ZSCAN32: variants seen among roughly 807,000 people sequenced by gnomAD.
ZSCAN32 encodes zinc finger and SCAN domain containing 32.
Under a neutral mutation model 47.4 loss-of-function variants are expected in ZSCAN32, and 52 were observed. That is an observed-to-expected ratio of 1.10 (90% CI 0.88 to 1.38). The LOEUF (loss-of-function observed/expected upper bound fraction) is 1.38, where lower values mean the gene tolerates loss of function less well. Ranked by LOEUF, ZSCAN32 falls within the 40% of genes most tolerant of loss-of-function variation. The pLI is 0.00. For synonymous variants in ZSCAN32, 346 were observed against 305.7 expected (o/e 1.13, Z -1.38); for missense variants, 959 against 846.0 (o/e 1.13, Z -1.66).
At chr16:3,399,093 C>T (rs541918655) in intron 1 of ZSCAN32, among the ~76,000 whole-genome samples, 4 of 152,172 alleles carry the variant, frequency 2.6e-5, no homozygotes, top group African/African-American at 7.2e-5. Flanking sequence ...CATGGTGGCA[C>T]GCACCTGTAG....
At chr16:3,392,375 ATTTT>A (rs34506287) in intron 3 of ZSCAN32, among the ~76,000 whole-genome samples, 3 of 129,380 alleles carry the variant, frequency 2.3e-5, no homozygotes, top group Non-Finnish European at 1.7e-5. Flanking sequence ...AATTAAAACA[ATTTT>A]TTTTTTTTTT....
rs763251937 is a variant in ZSCAN32 at position 3,384,663 on chromosome 16, A to G, written c.1030T>C (p.Ser344Pro). ...GCATCGCTTGCCATAGGAGGTGCAG[A>G]GGCCCAGGAGCCTGAAAGAGCATTC... The part of the protein sequence containing the change: ...EMNALSGSWA[S>P]APPMASDAVP... Residue 344 changes from serine (S) to proline (P), a missense_variant, in exon 6 of 7, where the codon TCT (serine) becomes CCT (proline). Physicochemically the swap from Ser to Pro is moderately conservative, Grantham distance 74. Transcript: ENST00000396852. The G allele has an allele frequency of 3.1e-6, 5 of 1,614,212 alleles. No homozygotes were observed. The highest frequency in any genetic ancestry group is 4.5e-5 in the East Asian group (2 of 44,880).
intron 5 of ZSCAN32, among the ~76,000 whole-genome samples, chr16:3,388,029 A>G (rs994660643): frequency 1.3e-5 from 2 of 152,244 alleles, no homozygotes; most frequent in African/African-American, 4.8e-5. Flanking sequence ...TCATGATCCC[A>G]TATTAGTACT....
intron 6 of ZSCAN32, chr16:3,384,164 A>G: frequency 1.3e-5 from 7 of 535,120 alleles, no homozygotes; most frequent in East Asian, 3.1e-5. Flanking sequence ...CTAGAGAAAA[A>G]GGGAGAAGAT....
Position 3,397,525 on chromosome 16 carries a change from G to A in ZSCAN32, c.33C>T (p.His11=), listed in dbSNP as rs1456789937. 1 of 1,549,314 alleles carries A rather than the reference G, an allele frequency of 6.5e-7. No individual in the cohort carries two copies. The highest frequency in any genetic ancestry group is 2.0e-5 in the Admixed American group (1 of 50,954). The change falls in exon 2 of 7, where the codon CAC becomes CAT. Residue 11 remains histidine, a synonymous_variant. Transcript: ENST00000396852. MMAAVKSTEA[H]PSSNKDPTQG... is the part of the protein sequence containing the mutation. ...GTGTGGGATCCTTGTTTGAGGATGG[G>A]TGTGCCTCGGTACTCTTCACTGCAG...
chr16:3,390,080 C>T lies in ZSCAN32; in HGVS notation c.681G>A (p.Met227Ile), dbSNP rs910840789. 1 of 1,614,028 alleles carries T rather than the reference C, an allele frequency of 6.2e-7. No homozygotes were observed. The highest frequency in any genetic ancestry group is 1.1e-5 in the South Asian group (1 of 91,024). The change falls in exon 5 of 7, where the codon ATG becomes ATA. Residue 227 changes from methionine to isoleucine, a missense_variant. Physicochemically the swap from Met to Ile is conservative, Grantham distance 10 (BLOSUM62 1). Transcript: ENST00000396852. ...RAVSLCQQEW[M>I]CPGPAQRALY... ...GGGCCCTTTGTGCAGGGCCTGGGCA[C>T]ATCCATTCTTGCTGACAGAGGGATA... is the stretch of plus-strand genomic sequence containing the variant.
chr16:3,393,565 T>C, intron 3 of ZSCAN32, 84 bp downstream of exon 3: 1 of 1,344,672 alleles, frequency 7.4e-7, no homozygotes, highest in South Asian at 1.7e-5. Flanking sequence ...TCTGGAACCC[T>C]TGGGTGGACT....
chr16:3,397,227 G>C lies in ZSCAN32; in HGVS notation c.331C>G (p.Leu111Val). Residue 111 changes from leucine (L) to valine (V), a missense_variant, in exon 2 of 7, where the codon CTG becomes GTG. Physicochemically the swap from Leu to Val is conservative, Grantham distance 32 (BLOSUM62 1). Coordinates refer to ENST00000396852, the MANE Select transcript of ZSCAN32 (RefSeq NM_001284527.2). ...GGAGCTCTCTGTACATCCTCAACCA[G>C]AGCCACAGCTTCCTCGCCGTTTTCT... ...HPENGEEAVALVEDVQRAPGQ... is the reference protein window; with the variant it reads ...HPENGEEAVAVVEDVQRAPGQ... The C allele has an allele frequency of 6.4e-7, 1 of 1,556,604 alleles. No individual in the cohort carries two copies. Among genetic ancestry groups the C allele is most frequent in the Non-Finnish European group, 8.7e-7 (1 of 1,150,362 alleles).
intron 3 of ZSCAN32, 131 bp from the exon 4 acceptor site, chr16:3,390,648 G>A: frequency 1.4e-6 from 1 of 700,746 alleles, no homozygotes; most frequent in Non-Finnish European, 2.3e-6. Flanking sequence ...CAAATTCTGG[G>A]GCCCCACCTC....
chr16:3,388,988 T>A (rs1411696491), intron 5 of ZSCAN32, among the ~76,000 whole-genome samples: 1 of 152,250 alleles, frequency 6.6e-6, no homozygotes. Flanking sequence ...CAGTGGTTAA[T>A]TTTATGTCAT....
chr16:3,387,046 A>C (rs2032095377), intron 5 of ZSCAN32, among the ~76,000 whole-genome samples: 1 of 152,182 alleles, frequency 6.6e-6, no homozygotes, highest in South Asian at 2.1e-4. Context: ...CTAAAACATG[A>C]AAACTTTTAG....
chr16:3,390,486 C>T lies in ZSCAN32; in HGVS notation c.564G>A (p.Leu188=). 6.5e-7 allele frequency: 1 copy of T among 1,549,362 alleles called. No individual in the cohort carries two copies. The highest frequency in any genetic ancestry group is 1.4e-5 in the African/African-American group (1 of 73,100). Residue 188 remains leucine (L), a synonymous_variant, in exon 4 of 7, where the codon CTG becomes CTA. Transcript: ENST00000396852. Reference sequence around the variant, plus strand: ...GGTCGTGGAGACCTGTGTTTTGAGGCAGGTTCCTGGGAGCCTGAGGAGCAA... The same window carrying T: ...GGTCGTGGAGACCTGTGTTTTGAGGTAGGTTCCTGGGAGCCTGAGGAGCAA... ...AWLAPQAPRN[L]PQNTGLHDQE...
intron 2 of ZSCAN32, 30 bp from the exon 3 acceptor site, chr16:3,393,844 C>G (rs2033106906): frequency 6.6e-7 from 1 of 1,505,152 alleles, no homozygotes; most frequent in South Asian, 1.3e-5. Flanking sequence ...TCTATCACTA[C>G]AAATTCCTGC....
intron 3 of ZSCAN32, among the ~76,000 whole-genome samples, chr16:3,393,064 A>G (rs1057018600): frequency 1.4e-5 from 2 of 143,986 alleles, no homozygotes; most frequent in African/African-American, 5.2e-5. Flanking sequence ...ATAAAAAAGA[A>G]TTATGCTAAC....
chr16:3,394,964 A>G (rs2033228844), intron 2 of ZSCAN32, among the ~76,000 whole-genome samples: 1 of 151,500 alleles, frequency 6.6e-6, no homozygotes, highest in Admixed American at 6.6e-5. Flanking sequence ...TTATCACATC[A>G]CTCTGCTCAT....
In ZSCAN32 at chr16:3,383,725, A is replaced by C. The variant is rs562587330; in HGVS notation, c.1235-14T>G. On this transcript the variant is annotated splice_polypyrimidine_tract_variant and intron_variant, in intron 6 of 6. Transcript: ENST00000396852. Reference sequence around the variant, plus strand: ...TGAACTCAAAACCTGAAAAAAAAAAACCCCACAGAAATACAATGGACTATA... The same window carrying C: ...TGAACTCAAAACCTGAAAAAAAAAACCCCCACAGAAATACAATGGACTATA... 271 of 1,560,300 alleles carry C rather than the reference A, an allele frequency of 1.7e-4. No homozygotes were observed. In the South Asian group the frequency reaches 2.1e-3, roughly 12 times the overall value.
intron 3 of ZSCAN32, among the ~76,000 whole-genome samples, chr16:3,393,241 T>TAAAA (rs1398744033): frequency 1.9e-4 from 2 of 10,624 alleles, no homozygotes; most frequent in African/African-American, 6.0e-4. Flanking sequence ...TTTATATATT[T>TAAAA]TATATATATA....
intron 1 of ZSCAN32, among the ~76,000 whole-genome samples, chr16:3,400,015 G>GTAT (rs2033739757): frequency 6.6e-6 from 1 of 152,210 alleles, no homozygotes; most frequent in Non-Finnish European, 1.5e-5. Flanking sequence ...TCACCATGTG[G>GTAT]TATTAAAATG....
Position 3,397,296 on chromosome 16 carries a change from TAGTC to T in ZSCAN32, c.258_261del (p.Thr87SerfsTer10). 1.3e-6 allele frequency: 2 copies of T among 1,572,418 alleles called. No individual in the cohort carries two copies. Among genetic ancestry groups the T allele is most frequent in the Non-Finnish European group, 1.7e-6 (2 of 1,158,812 alleles). Reference sequence around the variant, plus strand: ...CAGGTCTGGATCTCCTCTGGCAAGATAGTCAGAAACTGCTCCAAAACCAGCAGCT... The same window carrying T: ...CAGGTCTGGATCTCCTCTGGCAAGATAGAAACTGCTCCAAAACCAGCAGCT... On this transcript the variant is annotated frameshift_variant, in exon 2 of 7. Transcript: ENST00000396852. LOFTEE classifies it high-confidence loss of function.
Sources: gnomAD v4.1 joint callset for allele counts (sites outside exome capture counted in the v4.1 genomes callset) on GRCh38, gnomAD v4.1.1 for gene constraint, MANE v1.5 for transcripts, NCBI Gene and HGNC (gene_info 2026-07-23, HGNC 2026-07-21) for gene names.